Variants in NRXN3 observed in about 807,000 individuals in gnomAD.
The protein encoded by NRXN3 is neurexin III.
A neutral mutation model predicts 137.6 loss-of-function variants in NRXN3; 32 were observed. The observed-to-expected ratio is 0.23, with a 90% CI of 0.18 to 0.31. The LOEUF is 0.31. NRXN3 is among the 10% of genes least tolerant of loss of function. NRXN3 has a pLI of 1.00. For synonymous variants in NRXN3, 798 were observed against 784.5 expected (o/e 1.02, Z -0.29); for missense variants, 1,574 against 2,062.5 (o/e 0.76, Z 4.59).
chr14:78,625,002 C>T (rs866120817), intron 4 of NRXN3, among the ~76,000 whole-genome samples: 21 of 151,986 alleles, frequency 1.4e-4, no homozygotes, highest in African/African-American at 3.6e-4. Flanking sequence ...CCACCATGCC[C>T]GGCTAATTTT....
intron 15 of NRXN3, among the ~76,000 whole-genome samples, chr14:79,288,363 T>C (rs1784760268): frequency 6.6e-6 from 1 of 152,198 alleles, no homozygotes. Context: ...AGCAACTGGG[T>C]TTATAAAGAG....
At chr14:79,119,263 T>C (rs1388515426) in intron 15 of NRXN3, among the ~76,000 whole-genome samples, 1 of 152,198 alleles carries the variant, frequency 6.6e-6, no homozygotes, top group Admixed American at 6.5e-5. Flanking sequence ...TTCTGAGGAT[T>C]ATATTAGATT....
chr14:79,713,825 T>A (rs1196854509), intron 19 of NRXN3, among the ~76,000 whole-genome samples: 1 of 151,810 alleles, frequency 6.6e-6, no homozygotes, highest in Non-Finnish European at 1.5e-5. Context: ...ACCCTTTGAA[T>A]TTTTTACATC....
intron 4 of NRXN3, among the ~76,000 whole-genome samples, chr14:78,571,618 A>G (rs1249769093): frequency 6.6e-6 from 1 of 152,218 alleles, no homozygotes; most frequent in African/African-American, 2.4e-5. Flanking sequence ...TTGGGTATTT[A>G]GAATACAGTA....
chr14:79,353,162 T>C (rs2093287470), intron 15 of NRXN3, among the ~76,000 whole-genome samples: 1 of 152,130 alleles, frequency 6.6e-6, no homozygotes, highest in East Asian at 1.9e-4. Context: ...ATTCTAATAA[T>C]CTCACTTTCT....
At chr14:78,893,234 C>T (rs1385688643) in intron 10 of NRXN3, among the ~76,000 whole-genome samples, 1 of 151,956 alleles carries the variant, frequency 6.6e-6, no homozygotes, top group East Asian at 1.9e-4. Flanking sequence ...ATTGTGCCTC[C>T]CTTTGTTGGC....
At chr14:79,600,190 A>G (rs1004468006) in intron 16 of NRXN3, among the ~76,000 whole-genome samples, 3 of 152,214 alleles carry the variant, frequency 2.0e-5, no homozygotes, top group Non-Finnish European at 4.4e-5. Flanking sequence ...GTCTTTTACC[A>G]TGATGCCATG....
chr14:79,418,748 G>C (rs2095533635), intron 15 of NRXN3, among the ~76,000 whole-genome samples: 1 of 152,190 alleles, frequency 6.6e-6, no homozygotes, highest in Non-Finnish European at 1.5e-5. Flanking sequence ...GGCCAAGAAT[G>C]CTGGAAATGG....
At chr14:78,589,598 C>T (rs2097097967) in intron 4 of NRXN3, among the ~76,000 whole-genome samples, 1 of 152,222 alleles carries the variant, frequency 6.6e-6, no homozygotes, top group African/African-American at 2.4e-5. Flanking sequence ...TTTTCATCTG[C>T]TGCCTTGTTA....
At chr14:79,185,686 C>T (rs974245111) in intron 15 of NRXN3, among the ~76,000 whole-genome samples, 6 of 152,132 alleles carry the variant, frequency 3.9e-5, no homozygotes, top group South Asian at 4.2e-4. Flanking sequence ...AGGATGGTCT[C>T]GATCTCCTGA....
intron 15 of NRXN3, among the ~76,000 whole-genome samples, chr14:79,340,160 GGTGTGTGT>G (rs10533702): frequency 1.0e-4 from 15 of 146,630 alleles, no homozygotes; most frequent in Admixed American, 6.1e-4. Flanking sequence ...TGAATTTAAG[GGTGTGTGT>G]GTGTGTGTGT....
chr14:78,393,458 T>C (rs927079101), intron 4 of NRXN3, among the ~76,000 whole-genome samples: 1 of 152,042 alleles, frequency 6.6e-6, no homozygotes, highest in Non-Finnish European at 1.5e-5. Flanking sequence ...GATATCCCTA[T>C]TCTGTTCCAT....
chr14:78,953,987 A>C (rs1178231941), intron 10 of NRXN3, among the ~76,000 whole-genome samples: 2 of 152,156 alleles, frequency 1.3e-5, no homozygotes, highest in Non-Finnish European at 2.9e-5. Flanking sequence ...CACTCTTTAC[A>C]TTCATTGCTT....
chr14:79,702,722 G>A (rs1282279026), intron 19 of NRXN3, among the ~76,000 whole-genome samples: 1 of 151,958 alleles, frequency 6.6e-6, no homozygotes, highest in Non-Finnish European at 1.5e-5. Flanking sequence ...CTTACTACCA[G>A]GAATGCCCCA....
intron 10 of NRXN3, among the ~76,000 whole-genome samples, chr14:78,853,274 G>T (rs967431975): frequency 2.6e-5 from 4 of 152,104 alleles, no homozygotes; most frequent in Admixed American, 6.5e-5. Context: ...CTGTCCAAGA[G>T]TTCTCATTGT....
intron 15 of NRXN3, among the ~76,000 whole-genome samples, chr14:79,338,137 G>T (rs1191901792): frequency 6.6e-6 from 1 of 152,030 alleles, no homozygotes; most frequent in East Asian, 1.9e-4. Context: ...GGAGTTGGGA[G>T]ACTTTGAGGA....
intron 4 of NRXN3, among the ~76,000 whole-genome samples, chr14:78,581,635 C>A (rs1236132927): frequency 6.6e-6 from 1 of 152,198 alleles, no homozygotes. Flanking sequence ...TATATATTTT[C>A]ATTATTTTTC....
chr14:78,205,227 C>A (rs142692773), intron 1 of NRXN3, among the ~76,000 whole-genome samples: 1 of 152,350 alleles, frequency 6.6e-6, no homozygotes, highest in Non-Finnish European at 1.5e-5. Flanking sequence ...TTAAGTATTT[C>A]TGACAATGAC....
chr14:79,284,053 A>AT (rs935437692), intron 15 of NRXN3, among the ~76,000 whole-genome samples: 5 of 152,006 alleles, frequency 3.3e-5, no homozygotes, highest in African/African-American at 7.2e-5. Context: ...TGTAAATATC[A>AT]TTTTTTATCA....
Sources: allele counts gnomAD v4.1 joint callset (sites outside exome capture counted in the v4.1 genomes callset), GRCh38; gene constraint gnomAD v4.1.1; transcripts MANE v1.5; gene names NCBI Gene and HGNC (gene_info 2026-07-23, HGNC 2026-07-21).